COLGALT2: variants seen among roughly 807,000 people sequenced by gnomAD.
COLGALT2 encodes collagen beta(1-O)galactosyltransferase 2.
In COLGALT2, 49 loss-of-function variants were observed where a neutral mutation model predicts 73.4. That is an observed-to-expected ratio of 0.67 (90% CI 0.53 to 0.85). The LOEUF is 0.85. COLGALT2 is among the 40% of genes least tolerant of loss of function. The pLI is 0.00. For synonymous variants in COLGALT2, 295 were observed against 307.6 expected (o/e 0.96, Z 0.43); for missense variants, 722 against 790.2 (o/e 0.91, Z 1.03).
chr1:183,968,864 T>C (rs1276755072), intron 5 of COLGALT2, among the ~76,000 whole-genome samples: 2 of 152,232 alleles, frequency 1.3e-5, no homozygotes, highest in East Asian at 3.8e-4. Flanking sequence ...TCAGACTTTT[T>C]CAAGAAGAAA....
At chr1:183,931,862 A>T (rs1298257723), downstream of COLGALT2, among the ~76,000 whole-genome samples, 14 of 73,736 alleles carry the variant, frequency 1.9e-4, no homozygotes, top group African/African-American at 7.1e-4. Context: ...TCCTGCCATA[A>T]AAAAAAAAAA....
chr1:183,988,389 C>T (rs1190866824), intron 1 of COLGALT2, among the ~76,000 whole-genome samples: 1 of 152,194 alleles, frequency 6.6e-6, no homozygotes, highest in Admixed American at 6.5e-5. Context: ...ACTCACTCTT[C>T]TAAAATATAA....
intron 6 of COLGALT2, among the ~76,000 whole-genome samples, chr1:183,962,299 A>T (rs914560498): frequency 7.3e-5 from 11 of 151,554 alleles, no homozygotes; most frequent in Admixed American, 2.0e-4. Context: ...AACTGGGACT[A>T]CAGATGTGCA....
At chr1:183,962,512 G>C (rs1296831002) in intron 6 of COLGALT2, among the ~76,000 whole-genome samples, 1 of 151,978 alleles carries the variant, frequency 6.6e-6, no homozygotes, top group African/African-American at 2.4e-5. Context: ...TCCATTTAAA[G>C]TTCCTAAAAT....
chr1:183,978,288 C>T (rs1035949637), intron 2 of COLGALT2, 122 bp downstream of exon 2: 1 of 595,928 alleles, frequency 1.7e-6, no homozygotes, highest in Non-Finnish European at 3.0e-6. Flanking sequence ...TCAGAACTCA[C>T]ATAGCTACAG....
chr1:183,997,658 T>C (rs1159654855), intron 1 of COLGALT2, among the ~76,000 whole-genome samples: 2 of 152,238 alleles, frequency 1.3e-5, no homozygotes, highest in East Asian at 3.8e-4. Flanking sequence ...CTGGGCTGCA[T>C]GTGGCCCATG....
chr1:183,939,114 G>A, intron 11 of COLGALT2, 77 bp from the exon 12 acceptor site: 1 of 1,055,400 alleles, frequency 9.5e-7, no homozygotes, highest in South Asian at 1.5e-5. Flanking sequence ...AGTGAAGGAG[G>A]CCTCCTGGTT....
Position 183,945,696 on chromosome 1 carries a change from C to T in COLGALT2, c.1137-132G>A. 3 of 1,032,600 alleles carry T rather than the reference C, an allele frequency of 2.9e-6. No individual in the cohort carries two copies. In the South Asian group the frequency reaches 4.7e-5, roughly 16 times the overall value. The allele number at this position is 1,032,600 out of a possible 1,614,324, so 64.0% of individuals were successfully genotyped here. On this transcript the variant is annotated intron_variant, in intron 8 of 11. Coordinates refer to ENST00000361927, the MANE Select transcript of COLGALT2 (RefSeq NM_015101.4). ...AAAGACAGAGAGGCTTCCCTTTATT[C>T]CTTAGAAGTTCCTCCAGGCTAATGT...
intron 9 of COLGALT2, among the ~76,000 whole-genome samples, chr1:183,944,864 G>A (rs1275144087): frequency 6.6e-6 from 1 of 152,118 alleles, no homozygotes; most frequent in Non-Finnish European, 1.5e-5. Context: ...GCATAGACTG[G>A]ATCATTAAAA....
chr1:183,940,533 A>C, intron 11 of COLGALT2, 48 bp downstream of exon 11: 1 of 1,516,586 alleles, frequency 6.6e-7, no homozygotes, highest in Non-Finnish European at 9.2e-7. Flanking sequence ...AGCATAATTC[A>C]TGAAGAGGCT....
intron 2 of COLGALT2, among the ~76,000 whole-genome samples, chr1:183,977,718 G>C (rs1199021184): frequency 6.6e-6 from 1 of 151,912 alleles, no homozygotes; most frequent in African/African-American, 2.4e-5. Context: ...GAACCCAGGA[G>C]TACGAGGTTA....
chr1:183,965,763 G>T (rs1670850159), intron 5 of COLGALT2, among the ~76,000 whole-genome samples: 1 of 150,068 alleles, frequency 6.7e-6, no homozygotes, highest in Non-Finnish European at 1.5e-5. Context: ...AGCAAAAAAG[G>T]CAATTATTAA....
At chr1:183,979,277 T>C (rs571210869) in intron 1 of COLGALT2, among the ~76,000 whole-genome samples, 34 of 152,172 alleles carry the variant, frequency 2.2e-4, no homozygotes, top group Admixed American at 4.6e-4. Flanking sequence ...AAAACAGTTA[T>C]TCAGAACACC....
chr1:184,000,283 G>A (rs543841771), intron 1 of COLGALT2, among the ~76,000 whole-genome samples: 2 of 152,018 alleles, frequency 1.3e-5, no homozygotes, highest in South Asian at 2.1e-4. Flanking sequence ...GTTCTGCAGT[G>A]GTGGTACTTT....
chr1:183,932,105 G>T (rs1230126083), downstream of COLGALT2, among the ~76,000 whole-genome samples: 1 of 152,180 alleles, frequency 6.6e-6, no homozygotes, highest in Non-Finnish European at 1.5e-5. Flanking sequence ...GGCTGTGTGT[G>T]TGTGTGGTGA....
intron 11 of COLGALT2, 69 bp from the exon 12 acceptor site, chr1:183,939,106 T>G (rs924089181): frequency 2.6e-6 from 3 of 1,159,008 alleles, no homozygotes; most frequent in Non-Finnish European, 2.5e-6. Flanking sequence ...GGACAAAGAG[T>G]GAAGGAGGCC....
chr1:183,934,140 AC>A (rs758825061), downstream of COLGALT2, among the ~76,000 whole-genome samples: 4 of 152,184 alleles, frequency 2.6e-5, no homozygotes, highest in Non-Finnish European at 5.9e-5. Flanking sequence ...TTACCTTGGA[AC>A]CCCATTCAGT....
At chr1:183,986,280 A>G (rs1403277662) in intron 1 of COLGALT2, among the ~76,000 whole-genome samples, 2 of 152,210 alleles carry the variant, frequency 1.3e-5, no homozygotes, top group Admixed American at 6.5e-5. Flanking sequence ...CCTAGATCCT[A>G]TTCATACCAA....
At position 184,024,655 on chromosome 1, in the gene COLGALT2, C is replaced by CTTTTT. The variant is rs35844838; in HGVS notation, c.263+12435_263+12439dup. Reference sequence around the variant, plus strand: ...CGTGAGCCACCACACCCAGCCTCAGCTTTTTTTTTTTTTTTTTTCTGAGCA... The same window carrying CTTTTT: ...CGTGAGCCACCACACCCAGCCTCAGCTTTTTTTTTTTTTTTTTTTTTTTCTGAGCA... On this transcript the variant is annotated intron_variant, in intron 1 of 11. Coordinates refer to ENST00000361927, the MANE Select transcript of COLGALT2 (RefSeq NM_015101.4). Among the ~76,000 whole-genome samples the CTTTTT allele has an allele frequency of 2.9e-4, 37 of 128,268 alleles. 1 individual carries two copies. The highest frequency in any genetic ancestry group is 8.1e-4 in the Admixed American group (10 of 12,334). The allele number at this position is 128,268 out of a possible 152,430, so 84.1% of individuals were successfully genotyped here. A position where few individuals can be genotyped will look rare whatever the true frequency, so the allele number is the denominator to read the frequency against.
Sources: allele counts gnomAD v4.1 joint callset (sites outside exome capture counted in the v4.1 genomes callset), GRCh38; gene constraint gnomAD v4.1.1; transcripts MANE v1.5; gene names NCBI Gene and HGNC (gene_info 2026-07-23, HGNC 2026-07-21).